Variants in DAB2IP observed in about 807,000 individuals in gnomAD.
DAB2IP encodes DAB2 interacting protein, also known as disabled homolog 2-interacting protein.
In DAB2IP, 28 loss-of-function variants were observed where a neutral mutation model predicts 107.2. That is an observed-to-expected ratio of 0.26 (90% CI 0.19 to 0.36). DAB2IP has a LOEUF of 0.36. DAB2IP is among the 10% of genes least tolerant of loss of function. The pLI, the probability that DAB2IP is intolerant of heterozygous loss-of-function variation, is 1.00. For missense variants in DAB2IP, 1,400 were observed against 1,644.7 expected, an observed-to-expected ratio of 0.85 and a Z score of 2.57; for synonymous variants, 755 against 706.4, an observed-to-expected ratio of 1.07 and a Z score of -1.09.
intron 1 of DAB2IP, among the ~76,000 whole-genome samples, chr9:121,621,440 C>A (rs1433578031): frequency 1.3e-5 from 2 of 152,132 alleles, no homozygotes. Context: ...GAACAACCCA[C>A]TCCATGGCCT....
intron 3 of DAB2IP, among the ~76,000 whole-genome samples, chr9:121,749,548 T>C (rs1180960923): frequency 1.3e-5 from 2 of 151,998 alleles, no homozygotes; most frequent in Admixed American, 6.5e-5. Context: ...CTGGTTGGGG[T>C]AGTGGACAGT....
In DAB2IP at chr9:121,699,292, C is replaced by T; in HGVS notation, c.229-33C>T. The T allele has an allele frequency of 7.3e-7, 1 of 1,368,480 alleles. No homozygotes were observed. The highest frequency in any genetic ancestry group is 9.6e-7 in the Non-Finnish European group (1 of 1,042,704). 84.8% of individuals were successfully genotyped at this position (1,368,480 alleles called of 1,614,324 possible). On this transcript the variant is annotated intron_variant, in intron 2 of 15. Transcript: ENST00000408936. This position sits in a 1 kb window ranked among gnomAD's most constrained non-coding sequence, Gnocchi z 6.2. ...CCCGCCGCCGCCGCGCTAACCCCGCCTCCCCTTCCCCCTCTTGTCCCCCCG... is the reference window on the plus strand; with the variant it reads ...CCCGCCGCCGCCGCGCTAACCCCGCTTCCCCTTCCCCCTCTTGTCCCCCCG...
At chr9:121,640,163 C>T (rs1317568891) in intron 1 of DAB2IP, among the ~76,000 whole-genome samples, 1 of 152,096 alleles carries the variant, frequency 6.6e-6, no homozygotes, top group Non-Finnish European at 1.5e-5. Flanking sequence ...CTGGGTGATG[C>T]CTGGGGCAAG....
chr9:121,644,717 T>C (rs1832480615), intron 1 of DAB2IP, among the ~76,000 whole-genome samples: 1 of 152,220 alleles, frequency 6.6e-6, no homozygotes. Flanking sequence ...CTATGTTATT[T>C]GACTCTTCCA....
chr9:121,739,349 A>G (rs1173143302), intron 3 of DAB2IP, among the ~76,000 whole-genome samples: 1 of 152,230 alleles, frequency 6.6e-6, no homozygotes, highest in Non-Finnish European at 1.5e-5. Flanking sequence ...GAGAGTAGGT[A>G]GGTCATGACT....
chr9:121,606,776 GT>G (rs1033556948), intron 1 of DAB2IP, among the ~76,000 whole-genome samples: 89 of 144,462 alleles, frequency 6.2e-4, no homozygotes, highest in African/African-American at 1.2e-3. Flanking sequence ...TTTGTTTTTT[GT>G]TTTTTTTTTT....
chr9:121,570,948 G>A (rs566676206), intron 1 of DAB2IP, among the ~76,000 whole-genome samples: 2 of 151,896 alleles, frequency 1.3e-5, no homozygotes, highest in African/African-American at 4.8e-5. Context: ...GGGTCCCTTC[G>A]CCAGTGCCTG....
intron 12 of DAB2IP, 120 bp downstream of exon 12, chr9:121,773,615 A>G: frequency 2.4e-6 from 3 of 1,240,784 alleles, no homozygotes; most frequent in Non-Finnish European, 3.1e-6. Context: ...CTGCCATCCC[A>G]TCCCACCAGC....
chr9:121,668,868 C>A (rs1386609614), intron 1 of DAB2IP, among the ~76,000 whole-genome samples: 3 of 148,036 alleles, frequency 2.0e-5, no homozygotes, highest in Non-Finnish European at 4.4e-5. Context: ...ACATAGACAG[C>A]AAGTGTATTT....
chr9:121,689,155 G>A (rs1268739432), intron 2 of DAB2IP, among the ~76,000 whole-genome samples: 3 of 152,122 alleles, frequency 2.0e-5, no homozygotes, highest in Admixed American at 6.5e-5. Context: ...TTAGCCGGGC[G>A]TGGTAGCGCA....
intron 1 of DAB2IP, among the ~76,000 whole-genome samples, chr9:121,591,532 G>A (rs1001117673): frequency 6.6e-6 from 1 of 152,040 alleles, no homozygotes; most frequent in African/African-American, 2.4e-5. Context: ...CAGGATCTTG[G>A]AGGCCACATG....
chr9:121,676,635 G>GCACACACACACACACACACACACA (rs35324441), intron 1 of DAB2IP, among the ~76,000 whole-genome samples: 22 of 150,428 alleles, frequency 1.5e-4, no homozygotes, highest in Admixed American at 2.0e-4. Context: ...TTCTGCAGAC[G>GCACACACACACACACACACACACA]CACACACACA....
chr9:121,593,628 T>C (rs1177152124), intron 1 of DAB2IP, among the ~76,000 whole-genome samples: 1 of 151,218 alleles, frequency 6.6e-6, no homozygotes. Flanking sequence ...CTTTATTAGT[T>C]TTATTTTATT....
intron 2 of DAB2IP, among the ~76,000 whole-genome samples, chr9:121,689,871 C>G (rs1829076077): frequency 6.6e-6 from 1 of 152,260 alleles, no homozygotes; most frequent in Non-Finnish European, 1.5e-5. Flanking sequence ...GAAACTGAGT[C>G]ACAGAGCAGC....
At chr9:121,777,293 C>G (rs1726581136) in intron 14 of DAB2IP, among the ~76,000 whole-genome samples, 1 of 152,180 alleles carries the variant, frequency 6.6e-6, no homozygotes, top group Non-Finnish European at 1.5e-5. Context: ...ATGACATAAG[C>G]CCTTCCCAGA....
chr9:121,721,980 C>A (rs531808510), intron 3 of DAB2IP, among the ~76,000 whole-genome samples: 3 of 152,162 alleles, frequency 2.0e-5, no homozygotes, highest in African/African-American at 7.2e-5. Context: ...CAGGCCTGAC[C>A]CAGGCTGCCC....
intron 1 of DAB2IP, among the ~76,000 whole-genome samples, chr9:121,612,674 G>C (rs1255294854): frequency 6.6e-6 from 1 of 152,124 alleles, no homozygotes; most frequent in Non-Finnish European, 1.5e-5. Flanking sequence ...CTTAGAGAGA[G>C]AGCCTGCTCA....
At chr9:121,758,679 T>C (rs1238809258) in intron 4 of DAB2IP, among the ~76,000 whole-genome samples, 1 of 152,164 alleles carries the variant, frequency 6.6e-6, no homozygotes, top group Non-Finnish European at 1.5e-5. Flanking sequence ...ATGGGGCCAC[T>C]CTCCGGCTGC....
chr9:121,685,932 C>A (rs1828856167), intron 2 of DAB2IP, among the ~76,000 whole-genome samples: 1 of 152,182 alleles, frequency 6.6e-6, no homozygotes, highest in African/African-American at 2.4e-5. Flanking sequence ...ATGGAAGCGA[C>A]AAGAGATCCA....
Sources: allele counts gnomAD v4.1 joint callset (sites outside exome capture counted in the v4.1 genomes callset), GRCh38; gene constraint gnomAD v4.1.1; non-coding constraint Gnocchi (gnomAD v3.1); transcripts MANE v1.5; gene names NCBI Gene and HGNC (gene_info 2026-07-23, HGNC 2026-07-21).